TAFA1: variants seen among roughly 807,000 people sequenced by gnomAD.
The protein encoded by TAFA1 is TAFA chemokine like family member 1, also known as chemokine-like protein TAFA-1.
A neutral mutation model predicts 18.5 loss-of-function variants in TAFA1; 4 were observed. That is an observed-to-expected ratio of 0.22 (90% CI 0.11 to 0.49). The LOEUF is 0.49. Ranked by LOEUF, TAFA1 falls within the 20% of genes least tolerant of loss-of-function variation. The pLI is 0.98. For synonymous variants in TAFA1, 56 were observed against 55.2 expected, an observed-to-expected ratio of 1.01 and a Z score of -0.06; for missense variants, 147 against 169.0, an observed-to-expected ratio of 0.87 and a Z score of 0.72.
chr3:68,451,973 T>C (rs2071573080), intron 3 of TAFA1, among the ~76,000 whole-genome samples: 1 of 152,106 alleles, frequency 6.6e-6, no homozygotes, highest in Non-Finnish European at 1.5e-5. Flanking sequence ...GATGACAGGA[T>C]GGAACCGTGA....
intron 2 of TAFA1, among the ~76,000 whole-genome samples, chr3:68,224,420 T>A (rs1331919316): frequency 5.9e-5 from 9 of 152,212 alleles, no homozygotes; most frequent in African/African-American, 1.9e-4. Context: ...TTTAATTCTC[T>A]GTTTGTAAAA....
At chr3:68,182,411 C>T (rs1036081355) in intron 2 of TAFA1, among the ~76,000 whole-genome samples, 1 of 152,086 alleles carries the variant, frequency 6.6e-6, no homozygotes, top group Non-Finnish European at 1.5e-5. Context: ...ATGCATGGTG[C>T]CGTCAGCTTC....
intron 2 of TAFA1, among the ~76,000 whole-genome samples, chr3:68,043,180 G>T (rs193018702): frequency 2.0e-5 from 3 of 152,192 alleles, no homozygotes; most frequent in Admixed American, 2.0e-4. Flanking sequence ...CCTATATTAT[G>T]CCATTCTGAG....
At chr3:68,471,537 G>C (rs2071997621) in intron 3 of TAFA1, among the ~76,000 whole-genome samples, 1 of 152,214 alleles carries the variant, frequency 6.6e-6, no homozygotes, top group African/African-American at 2.4e-5. Context: ...CTGGATGTGA[G>C]AACTTGGAGT....
chr3:68,298,642 G>A (rs1472462894), intron 2 of TAFA1, among the ~76,000 whole-genome samples: 1 of 152,164 alleles, frequency 6.6e-6, no homozygotes, highest in Non-Finnish European at 1.5e-5. Flanking sequence ...TGCTCTTCTT[G>A]TGATAGTGAG....
At chr3:68,195,569 T>C (rs1230246994) in intron 2 of TAFA1, among the ~76,000 whole-genome samples, 1 of 151,330 alleles carries the variant, frequency 6.6e-6, no homozygotes, top group Non-Finnish European at 1.5e-5. Flanking sequence ...CCTGTTTTGC[T>C]CCTTGGCATC....
At chr3:68,041,713 C>G (rs1315129742) in intron 2 of TAFA1, among the ~76,000 whole-genome samples, 1 of 152,200 alleles carries the variant, frequency 6.6e-6, no homozygotes, top group Non-Finnish European at 1.5e-5. Flanking sequence ...GCCATGTTCT[C>G]TAGGACTTTT....
intron 2 of TAFA1, among the ~76,000 whole-genome samples, chr3:68,333,412 A>G (rs1012956315): frequency 6.6e-6 from 1 of 152,224 alleles, no homozygotes; most frequent in Non-Finnish European, 1.5e-5. Context: ...ACATGTTCTC[A>G]TAAGTAGGAG....
intron 2 of TAFA1, among the ~76,000 whole-genome samples, chr3:68,348,297 T>C (rs2069200564): frequency 6.6e-6 from 1 of 152,204 alleles, no homozygotes; most frequent in Non-Finnish European, 1.5e-5. Flanking sequence ...TAGTCTATAC[T>C]AACCAGTATT....
At chr3:68,406,081 C>T (rs2070600706) in intron 2 of TAFA1, among the ~76,000 whole-genome samples, 1 of 152,130 alleles carries the variant, frequency 6.6e-6, no homozygotes, top group South Asian at 2.1e-4. Context: ...TTAGAGGTTA[C>T]AACTTGCTCC....
intron 2 of TAFA1, among the ~76,000 whole-genome samples, chr3:68,114,781 G>A (rs555341827): frequency 6.6e-6 from 1 of 152,154 alleles, no homozygotes; most frequent in Non-Finnish European, 1.5e-5. Context: ...ATTTATAATA[G>A]CCCTAAACTT....
rs557180323 is a variant in TAFA1, at chr3:68,422,179, T to C, written c.259+4759T>C. 2.0e-5 allele frequency among the ~76,000 whole-genome samples: 3 copies of C among 152,300 alleles called. No homozygotes were observed. In the East Asian group the frequency reaches 5.8e-4, roughly 29 times the overall value. The stretch of plus-strand genomic sequence containing the variant: ...TGGATGGCTTGTTTCACTTAATATA[T>C]GATGACCATTTCCCAAGTGAATACA... On this transcript the variant is annotated intron_variant, in intron 3 of 4. Coordinates refer to ENST00000478136, the MANE Select transcript of TAFA1 (RefSeq NM_213609.4).
At chr3:68,392,826 G>A (rs149379785) in intron 2 of TAFA1, among the ~76,000 whole-genome samples, 2,666 of 152,168 alleles carry the variant, frequency 0.018, 47 homozygotes, top group Middle Eastern at 0.037. Context: ...AAGACACAAC[G>A]TACCAGAATC....
chr3:68,476,027 T>C (rs2072089083), intron 3 of TAFA1, among the ~76,000 whole-genome samples: 1 of 152,182 alleles, frequency 6.6e-6, no homozygotes, highest in South Asian at 2.1e-4. Context: ...TTCTTGTAAA[T>C]TTGTTTGAGT....
At chr3:68,409,329 C>T (rs1390500694) in intron 2 of TAFA1, among the ~76,000 whole-genome samples, 4 of 152,102 alleles carry the variant, frequency 2.6e-5, no homozygotes, top group Non-Finnish European at 5.9e-5. Context: ...TATGTCCCCA[C>T]CCAAATCACA....
chr3:68,225,289 G>A (rs1428342745), intron 2 of TAFA1, among the ~76,000 whole-genome samples: 1 of 152,114 alleles, frequency 6.6e-6, no homozygotes, highest in Non-Finnish European at 1.5e-5. Flanking sequence ...GTCAAGAGGA[G>A]ACATGAATGG....
At chr3:68,171,526 T>C (rs2066053288) in intron 2 of TAFA1, among the ~76,000 whole-genome samples, 1 of 151,254 alleles carries the variant, frequency 6.6e-6, no homozygotes, top group East Asian at 1.9e-4. Flanking sequence ...AGTGTCCAGA[T>C]TATATATTTT....
At chr3:68,144,893 A>C in intron 2 of TAFA1, 1 of 666,774 alleles carries the variant, frequency 1.5e-6, no homozygotes, top group Non-Finnish European at 2.7e-6. Context: ...TCCTCATCAA[A>C]AAATTGGAGA....
chr3:68,169,978 C>A (rs1019643158), intron 2 of TAFA1, among the ~76,000 whole-genome samples: 1 of 152,160 alleles, frequency 6.6e-6, no homozygotes, highest in Non-Finnish European at 1.5e-5. Flanking sequence ...TCCCCAAAAT[C>A]TGCTTCTCCA....
Sources: allele counts gnomAD v4.1 joint callset (sites outside exome capture counted in the v4.1 genomes callset), GRCh38; gene constraint gnomAD v4.1.1; transcripts MANE v1.5; gene names NCBI Gene and HGNC (gene_info 2026-07-23, HGNC 2026-07-21).